Variants in PSD2 observed in about 807,000 individuals in gnomAD.
The protein encoded by PSD2 is pleckstrin and Sec7 domain containing 2.
Under a neutral mutation model 69.8 loss-of-function variants are expected in PSD2, and 38 were observed. That is an observed-to-expected ratio of 0.54 (90% CI 0.42 to 0.71). The LOEUF is 0.71. PSD2 is among the 30% of genes least tolerant of loss of function. PSD2 has a pLI of 0.00. For synonymous variants in PSD2, 412 were observed against 423.0 expected (o/e 0.97, Z 0.32); for missense variants, 943 against 1,014.5 (o/e 0.93, Z 0.96).
the PSD2 span, among the ~76,000 whole-genome samples, chr5:139,746,698 A>G: frequency 2.0e-5 from 3 of 152,174 alleles, no homozygotes; most frequent in African/African-American, 7.2e-5. This position sits in a 1 kb window ranked among gnomAD's most constrained non-coding sequence, Gnocchi z 4.5. Context: ...AGGCTGCTAG[A>G]CAGGCTGGCT....
At chr5:139,829,855 T>C (rs1400142962) in intron 7 of PSD2, among the ~76,000 whole-genome samples, 2 of 152,198 alleles carry the variant, frequency 1.3e-5, no homozygotes, top group Non-Finnish European at 2.9e-5. Context: ...ATACCTAGGA[T>C]TGACTTGCTG....
upstream of PSD2, among the ~76,000 whole-genome samples, chr5:139,793,445 C>G (rs774751976): frequency 7.9e-5 from 12 of 152,200 alleles, no homozygotes; most frequent in Non-Finnish European, 1.6e-4. Flanking sequence ...CATAGCCACA[C>G]AGCTAGGAAG....
At chr5:139,842,103 G>C (rs888389686) in intron 14 of PSD2, among the ~76,000 whole-genome samples, 168 bp from the exon 15 acceptor site, 1 of 152,208 alleles carries the variant, frequency 6.6e-6, no homozygotes, top group Non-Finnish European at 1.5e-5. Flanking sequence ...TATGAATGAA[G>C]TTTATGTGCA....
At chr5:139,819,463 A>C (rs1055905053) in intron 5 of PSD2, among the ~76,000 whole-genome samples, 2 of 152,130 alleles carry the variant, frequency 1.3e-5, no homozygotes, top group African/African-American at 4.8e-5. Context: ...TGCCTTTTAC[A>C]TCTTTTATAT....
chr5:139,841,821 C>T (rs774459087), intron 14 of PSD2, among the ~76,000 whole-genome samples: 2 of 152,146 alleles, frequency 1.3e-5, no homozygotes, highest in Non-Finnish European at 2.9e-5. Flanking sequence ...AAATTCAAGT[C>T]GTTTGCCCAT....
chr5:139,800,513 C>T (rs1041451003), intron 1 of PSD2, among the ~76,000 whole-genome samples: 3 of 152,340 alleles, frequency 2.0e-5, no homozygotes, highest in East Asian at 3.9e-4. Context: ...CCGCCCTCCT[C>T]GGCTGCCCTC....
chr5:139,766,587 C>T, the PSD2 span, among the ~76,000 whole-genome samples: 1,276 of 152,270 alleles, frequency 8.4e-3, 13 homozygotes, highest in Middle Eastern at 0.017. Flanking sequence ...TAGGACCCTC[C>T]ATGGTTAGAT....
chr5:139,799,856 A>G (rs1759625198), intron 1 of PSD2, among the ~76,000 whole-genome samples: 1 of 151,992 alleles, frequency 6.6e-6, no homozygotes, highest in South Asian at 2.1e-4. Context: ...AGAGATAGGG[A>G]GAGTGGGAAG....
chr5:139,793,717 G>A (rs912364335), upstream of PSD2, among the ~76,000 whole-genome samples: 2 of 152,232 alleles, frequency 1.3e-5, no homozygotes, highest in African/African-American at 4.8e-5. Context: ...AGTCCATCCA[G>A]TGGACAACAA....
At chr5:139,840,305 G>C (rs1349813310) in intron 14 of PSD2, 135 bp downstream of exon 14, 15 of 992,096 alleles carry the variant, frequency 1.5e-5, no homozygotes, top group Middle Eastern at 3.3e-4. Flanking sequence ...AGGGAACAGG[G>C]TCCCCTGACC....
chr5:139,836,327 G>T (rs1456508403), intron 9 of PSD2, among the ~76,000 whole-genome samples: 1 of 152,186 alleles, frequency 6.6e-6, no homozygotes, highest in Non-Finnish European at 1.5e-5. Context: ...CTCAGGCAGG[G>T]ATTAGCAGGA....
chr5:139,768,236 A>G, the PSD2 span, among the ~76,000 whole-genome samples: 3 of 152,228 alleles, frequency 2.0e-5, no homozygotes, highest in Non-Finnish European at 4.4e-5. Flanking sequence ...AGGATAGGAC[A>G]GGCCCCAGCT....
upstream of PSD2, among the ~76,000 whole-genome samples, chr5:139,793,784 T>C (rs1456685582): frequency 2.6e-5 from 4 of 152,168 alleles, no homozygotes; most frequent in African/African-American, 7.2e-5. Flanking sequence ...CCATGGCCCA[T>C]TGAGTGCATC....
chr5:139,763,925 G>A, the PSD2 span, among the ~76,000 whole-genome samples: 130,344 of 152,162 alleles, frequency 0.86, 56,343 homozygotes, highest in South Asian at 0.93. Flanking sequence ...TCTGTGCTTC[G>A]GAAATTCTCC....
At chr5:139,794,002 C>T (rs566359850), upstream of PSD2, among the ~76,000 whole-genome samples, 3 of 152,288 alleles carry the variant, frequency 2.0e-5, no homozygotes, top group South Asian at 2.1e-4. Context: ...CCCTGCTGGT[C>T]GCCACCCTTC....
At chr5:139,794,187 C>T (rs917328908), upstream of PSD2, among the ~76,000 whole-genome samples, 5 of 152,298 alleles carry the variant, frequency 3.3e-5, no homozygotes, top group East Asian at 7.7e-4. Flanking sequence ...GTCTGAGTGC[C>T]CTCTTAATTG....
At chr5:139,793,398 G>T (rs1010455092), upstream of PSD2, among the ~76,000 whole-genome samples, 2 of 152,244 alleles carry the variant, frequency 1.3e-5, no homozygotes, top group Admixed American at 6.5e-5. Context: ...CCACTTGACG[G>T]AGGGGAAAGG....
intron 1 of PSD2, among the ~76,000 whole-genome samples, chr5:139,800,924 G>T (rs1759656033): frequency 6.6e-6 from 1 of 152,120 alleles, no homozygotes; most frequent in South Asian, 2.1e-4. Flanking sequence ...AATGGTTCTG[G>T]CTGGGCACGG....
the PSD2 span, among the ~76,000 whole-genome samples, chr5:139,767,282 C>T: frequency 3.3e-5 from 5 of 150,522 alleles, no homozygotes; most frequent in South Asian, 2.1e-4. Context: ...CGTGAGCCAC[C>T]GCACCCAGCC....
Sources: allele counts gnomAD v4.1 joint callset (sites outside exome capture counted in the v4.1 genomes callset), GRCh38; gene constraint gnomAD v4.1.1; non-coding constraint Gnocchi (gnomAD v3.1); transcripts MANE v1.5; gene names NCBI Gene and HGNC (gene_info 2026-07-23, HGNC 2026-07-21).